The following PRR16 variants were observed in gnomAD, a reference collection of about 807,000 sequenced individuals.
PRR16 encodes proline rich 16, also known as protein Largen.
Under a neutral mutation model 18.2 loss-of-function variants are expected in PRR16, and 6 were observed. That is an observed-to-expected ratio of 0.33 (90% CI 0.18 to 0.65). PRR16 has a LOEUF of 0.65. Among genes scored for constraint, PRR16 ranks in the 30% least tolerant of loss-of-function variants. PRR16 has a pLI of 0.74. For missense variants in PRR16, 412 were observed against 376.6 expected, an observed-to-expected ratio of 1.09 and a Z score of -0.78; for synonymous variants, 151 against 147.8, an observed-to-expected ratio of 1.02 and a Z score of -0.16.
At chr5:120,645,578 A>T (rs1755563689) in intron 1 of PRR16, among the ~76,000 whole-genome samples, 1 of 152,092 alleles carries the variant, frequency 6.6e-6, no homozygotes, top group Admixed American at 6.6e-5. Context: ...TGGTAATGTG[A>T]TATATAAGTA....
intron 1 of PRR16, among the ~76,000 whole-genome samples, chr5:120,661,444 A>G (rs927303501): frequency 3.3e-5 from 5 of 152,092 alleles, no homozygotes; most frequent in African/African-American, 7.2e-5. Flanking sequence ...AACACGTTGT[A>G]TAATTTAAAT....
At chr5:120,747,539 T>C in the PRR16 span, among the ~76,000 whole-genome samples, 2 of 152,194 alleles carry the variant, frequency 1.3e-5, no homozygotes, top group South Asian at 4.1e-4. Context: ...TGGCCAGTGG[T>C]AGATATTACT....
chr5:120,723,674 A>G, the PRR16 span, among the ~76,000 whole-genome samples: 18 of 152,060 alleles, frequency 1.2e-4, no homozygotes, highest in East Asian at 2.1e-3. Context: ...TTACTCAAGC[A>G]TTTATTGCAA....
intron 1 of PRR16, among the ~76,000 whole-genome samples, chr5:120,646,870 A>G (rs1354279485): frequency 6.6e-6 from 1 of 151,998 alleles, no homozygotes; most frequent in Non-Finnish European, 1.5e-5. Context: ...AGAAACAACA[A>G]CAGAATAATA....
At chr5:120,714,066 A>T in the PRR16 span, among the ~76,000 whole-genome samples, 1 of 152,034 alleles carries the variant, frequency 6.6e-6, no homozygotes, top group Non-Finnish European at 1.5e-5. Flanking sequence ...CTGTAATGTA[A>T]TGTCTTTTTT....
chr5:120,764,535 CTTTTCT>C, the PRR16 span, among the ~76,000 whole-genome samples: 1 of 151,682 alleles, frequency 6.6e-6, no homozygotes, highest in Non-Finnish European at 1.5e-5. Flanking sequence ...TGTTCCTGTC[CTTTTCT>C]GATTTTGGTG....
chr5:120,674,951 G>A (rs772706700), intron 1 of PRR16, among the ~76,000 whole-genome samples: 2 of 150,962 alleles, frequency 1.3e-5, no homozygotes, highest in Non-Finnish European at 3.0e-5. Flanking sequence ...TTTTACGTAT[G>A]TGTTATTATT....
chr5:120,771,010 T>A, the PRR16 span, among the ~76,000 whole-genome samples: 1 of 146,330 alleles, frequency 6.8e-6, no homozygotes, highest in Non-Finnish European at 1.5e-5. Context: ...CTATCTTTAT[T>A]ATTGGATTTG....
intron 1 of PRR16, among the ~76,000 whole-genome samples, chr5:120,655,900 A>G (rs975230859): frequency 9.2e-5 from 14 of 151,846 alleles, no homozygotes; most frequent in African/African-American, 3.1e-4. Flanking sequence ...GATAGGGATG[A>G]TAAGACAGGT....
At chr5:120,697,129 G>GAA in the PRR16 span, among the ~76,000 whole-genome samples, 2 of 152,200 alleles carry the variant, frequency 1.3e-5, no homozygotes, top group Non-Finnish European at 2.9e-5. Context: ...TTTATTTGGA[G>GAA]AAAAAGTTGC....
At chr5:120,609,726 A>C (rs1174482180) in intron 1 of PRR16, among the ~76,000 whole-genome samples, 1 of 152,228 alleles carries the variant, frequency 6.6e-6, no homozygotes, top group Non-Finnish European at 1.5e-5. Context: ...ATGAAAAGAC[A>C]GAAAAGAAAA....
intron 1 of PRR16, among the ~76,000 whole-genome samples, chr5:120,683,216 G>T (rs1442395249): frequency 6.6e-6 from 1 of 152,072 alleles, no homozygotes; most frequent in Non-Finnish European, 1.5e-5. Context: ...TTGTGAGCTG[G>T]TTGGTTGTTA....
At chr5:120,617,418 C>G (rs1179954211) in intron 1 of PRR16, among the ~76,000 whole-genome samples, 1 of 152,120 alleles carries the variant, frequency 6.6e-6, no homozygotes, top group African/African-American at 2.4e-5. Context: ...TATCTTCAGT[C>G]TGTGTTTTAT....
rs146890262 is a variant in PRR16 at position 120,485,721 on chromosome 5, C to T, written c.159+21076C>T. Among the ~76,000 whole-genome samples the T allele has an allele frequency of 1.4e-4, 22 of 152,014 alleles. No homozygotes were observed. In the East Asian group the frequency reaches 4.1e-3, roughly 28 times the overall value. ...CGTGCAGGTTAGTTACATATGTATA[C>T]CTGTGCCATGCTGGTGTGCTGCACC... On this transcript the variant is annotated intron_variant, in intron 1 of 1. Transcript: ENST00000407149.
At chr5:120,754,401 T>TTATACTATATACTATATATTATATAATA in the PRR16 span, among the ~76,000 whole-genome samples, 689 of 67,186 alleles carry the variant, frequency 0.01, 44 homozygotes, top group African/African-American at 0.041. Context: ...ATGTTATATA[T>TTATACTATATACTATATATTATATAATA]TATACTATAT....
At chr5:120,566,152 T>G (rs1455069085) in intron 1 of PRR16, among the ~76,000 whole-genome samples, 1 of 152,212 alleles carries the variant, frequency 6.6e-6, no homozygotes, top group Non-Finnish European at 1.5e-5. Context: ...AGTGAGTTCC[T>G]GATAAAAAGG....
chr5:120,503,876 G>A (rs1343179916), intron 1 of PRR16, among the ~76,000 whole-genome samples: 1 of 151,190 alleles, frequency 6.6e-6, no homozygotes, highest in Non-Finnish European at 1.5e-5. Context: ...ACCTATGAGT[G>A]AGAACATGCA....
chr5:120,554,734 A>G (rs1752357765), intron 1 of PRR16, among the ~76,000 whole-genome samples: 1 of 151,954 alleles, frequency 6.6e-6, no homozygotes, highest in Non-Finnish European at 1.5e-5. Context: ...TAGCCAGAGT[A>G]GCTCTACTGT....
chr5:120,597,205 A>G (rs1408895196), intron 1 of PRR16, among the ~76,000 whole-genome samples: 1 of 151,572 alleles, frequency 6.6e-6, no homozygotes, highest in African/African-American at 2.4e-5. Flanking sequence ...CTAGTACTTT[A>G]TAAGGTGTAT....
Sources: gnomAD v4.1 joint callset for allele counts (sites outside exome capture counted in the v4.1 genomes callset) on GRCh38, gnomAD v4.1.1 for gene constraint, MANE v1.5 for transcripts, NCBI Gene and HGNC (gene_info 2026-07-23, HGNC 2026-07-21) for gene names.